The following GRM5 variants were observed in gnomAD, a reference collection of about 807,000 sequenced individuals.
GRM5 encodes the protein glutamate metabotropic receptor 5, also known as metabotropic glutamate receptor 5.
GRM5 carries 19 observed loss-of-function variants against 83.1 expected under a neutral mutation model. That is an observed-to-expected ratio of 0.23 (90% confidence interval 0.16 to 0.34). GRM5 has a LOEUF of 0.34. GRM5 is among the 10% of genes least tolerant of loss of function. The probability of loss-of-function intolerance (pLI) is 1.00; values close to 1 mark genes in which losing one functional copy is unlikely to be tolerated. For missense variants in GRM5, 1,160 were observed against 1,588.3 expected (o/e 0.73, Z 4.58); for synonymous variants, 675 against 633.6 (o/e 1.07, Z -0.98).
intron 4 of GRM5, among the ~76,000 whole-genome samples, chr11:88,626,242 G>A (rs1248998251): frequency 6.6e-6 from 1 of 152,174 alleles, no homozygotes; most frequent in Non-Finnish European, 1.5e-5. Context: ...CTATAGTATA[G>A]ATAAGAGGTT....
chr11:88,994,706 A>C (rs1165316933), intron 2 of GRM5, among the ~76,000 whole-genome samples: 3 of 150,746 alleles, frequency 2.0e-5, no homozygotes, highest in Non-Finnish European at 4.4e-5. Context: ...TTATATCAGA[A>C]AGTTCTTTTT....
At chr11:88,633,846 TA>T (rs1939047313) in intron 4 of GRM5, among the ~76,000 whole-genome samples, 1 of 152,224 alleles carries the variant, frequency 6.6e-6, no homozygotes, top group Non-Finnish European at 1.5e-5. Context: ...TTAATTTTTA[TA>T]TACATTCATA....
At chr11:88,852,805 C>A (rs1248251299) in intron 2 of GRM5, among the ~76,000 whole-genome samples, 2 of 151,966 alleles carry the variant, frequency 1.3e-5, no homozygotes, top group Non-Finnish European at 2.9e-5. Context: ...GAGAATATGT[C>A]TTCCAATAAA....
chr11:88,739,688 G>A (rs10831340), intron 3 of GRM5, among the ~76,000 whole-genome samples: 60,943 of 151,738 alleles, frequency 0.4, 12,561 homozygotes, highest in African/African-American at 0.47. Flanking sequence ...TTCCTCCTTC[G>A]CTCACACTTC....
intron 7 of GRM5, among the ~76,000 whole-genome samples, chr11:88,571,862 T>C (rs1264930500): frequency 6.6e-6 from 1 of 152,060 alleles, no homozygotes; most frequent in Non-Finnish European, 1.5e-5. Flanking sequence ...AAGTGAAGAC[T>C]GGAAATGAAG....
At chr11:88,997,038 T>C (rs1297838016) in intron 2 of GRM5, among the ~76,000 whole-genome samples, 3 of 151,812 alleles carry the variant, frequency 2.0e-5, no homozygotes, top group Non-Finnish European at 4.4e-5. Flanking sequence ...AAGAAGAAAA[T>C]CTCTGGATGG....
intron 1 of GRM5, among the ~76,000 whole-genome samples, chr11:89,054,483 T>C (rs1941830004): frequency 6.6e-6 from 1 of 152,138 alleles, no homozygotes; most frequent in South Asian, 2.1e-4. Context: ...CAGGCAGATG[T>C]AGGGGGCTGA....
At chr11:88,800,889 C>T (rs867899191) in intron 3 of GRM5, among the ~76,000 whole-genome samples, 2 of 152,036 alleles carry the variant, frequency 1.3e-5, no homozygotes, top group African/African-American at 2.4e-5. Context: ...CAAATTATTA[C>T]GTGAATGGAA....
At chr11:88,964,416 A>C (rs1272627483) in intron 2 of GRM5, among the ~76,000 whole-genome samples, 1 of 152,028 alleles carries the variant, frequency 6.6e-6, no homozygotes, top group African/African-American at 2.4e-5. Flanking sequence ...AACTATTTTA[A>C]ATTCTATATT....
intron 3 of GRM5, among the ~76,000 whole-genome samples, chr11:88,803,017 T>G (rs984707272): frequency 8.5e-5 from 11 of 128,676 alleles, no homozygotes; most frequent in Admixed American, 8.1e-4. Context: ...TACAAAGCAC[T>G]GCTCAATGAA....
Position 88,933,245 on chromosome 11 carries a change from G to C in GRM5, c.662-83090C>G, listed in dbSNP as rs1257852779. On this transcript the variant is annotated intron_variant, in intron 2 of 9. Transcript: ENST00000305447. ...TTTGATTTGCCAGTGGAACAGAATTGTGTTATCCTTCTCCTCAAGTAACAT... is the reference window on the plus strand; with the variant it reads ...TTTGATTTGCCAGTGGAACAGAATTCTGTTATCCTTCTCCTCAAGTAACAT... 9.4e-5 allele frequency among the ~76,000 whole-genome samples: 10 copies of C among 106,136 alleles called. No individual in the cohort carries two copies. In the East Asian group the frequency reaches 3.2e-3, roughly 34 times the overall value. The allele number at this position is 106,136 out of a possible 152,430, so 69.6% of individuals were successfully genotyped here.
chr11:88,753,239 A>T (rs1942321014), intron 3 of GRM5, among the ~76,000 whole-genome samples: 1 of 152,210 alleles, frequency 6.6e-6, no homozygotes, highest in South Asian at 2.1e-4. Context: ...TTCTACAAGG[A>T]ACTTAAACAA....
chr11:88,868,958 T>TTC (rs1944717998), intron 2 of GRM5, among the ~76,000 whole-genome samples: 2 of 151,742 alleles, frequency 1.3e-5, no homozygotes, highest in Non-Finnish European at 3.0e-5. Flanking sequence ...CCCACGATAG[T>TTC]ACCAAAGTAT....
intron 2 of GRM5, among the ~76,000 whole-genome samples, chr11:88,855,982 A>T (rs1220513893): frequency 6.6e-6 from 1 of 151,984 alleles, no homozygotes; most frequent in Admixed American, 6.6e-5. Flanking sequence ...ATGCTAAAAG[A>T]ATGTGGAAAA....
At chr11:88,539,943 G>A (rs1015705424) in intron 8 of GRM5, among the ~76,000 whole-genome samples, 3 of 152,150 alleles carry the variant, frequency 2.0e-5, no homozygotes, top group African/African-American at 7.2e-5. Flanking sequence ...TACTAGTTTA[G>A]TAACTGTCTT....
intron 7 of GRM5, among the ~76,000 whole-genome samples, chr11:88,573,393 C>A (rs1262845477): frequency 6.6e-6 from 1 of 152,148 alleles, no homozygotes; most frequent in South Asian, 2.1e-4. Context: ...CCTGTAGTTA[C>A]TAGTTTCTAG....
In GRM5 at chr11:88,956,776, G is replaced by A. The variant is rs111446438; in HGVS notation, c.661+90436C>T. On this transcript the variant is annotated intron_variant, in intron 2 of 9. Coordinates refer to ENST00000305447, the MANE Select transcript of GRM5 (RefSeq NM_001143831.3). ...AGCCGAGATTGCGCCACTGCAGTCC[G>A]GCCTGGGCGAAAGAATGAGACTCCG... Among the ~76,000 whole-genome samples the A allele has an allele frequency of 6.7e-3, 1,015 of 152,258 alleles. 8 individuals are homozygous for A. The highest frequency in any genetic ancestry group is 0.024 in the African/African-American group (981 of 41,552).
At chr11:88,843,633 G>T (rs11021569) in intron 3 of GRM5, among the ~76,000 whole-genome samples, 62,277 of 151,954 alleles carry the variant, frequency 0.41, 12,919 homozygotes, top group East Asian at 0.5. Context: ...AGGAAGAATT[G>T]TAAGTCTCTA....
At chr11:88,820,302 G>C (rs1943764964) in intron 3 of GRM5, among the ~76,000 whole-genome samples, 1 of 143,582 alleles carries the variant, frequency 7.0e-6, no homozygotes, top group Admixed American at 7.1e-5. Flanking sequence ...GTGAACCCGG[G>C]AGGCAGAACT....
Sources: gnomAD v4.1 joint callset for allele counts (sites outside exome capture counted in the v4.1 genomes callset) on GRCh38, gnomAD v4.1.1 for gene constraint, MANE v1.5 for transcripts, NCBI Gene and HGNC (gene_info 2026-07-23, HGNC 2026-07-21) for gene names.